Variants in AK9 observed in about 807,000 individuals in gnomAD.
AK9 encodes the protein adenylate kinase domain containing 1.
Under a neutral mutation model 239.6 loss-of-function variants are expected in AK9, and 191 were observed. The ratio of observed to expected loss-of-function variants is 0.80; its 90% CI spans 0.71 to 0.90. The LOEUF is 0.90. Ranked by LOEUF, AK9 falls within the 40% of genes least tolerant of loss-of-function variation. The probability of loss-of-function intolerance (pLI) is 0.00; values close to 1 mark genes in which losing one functional copy is unlikely to be tolerated. For synonymous variants in AK9, 689 were observed against 721.0 expected, an observed-to-expected ratio of 0.96 and a Z score of 0.71; for missense variants, 1,995 against 2,214.7, an observed-to-expected ratio of 0.90 and a Z score of 1.99.
At chr6:109,636,005 T>C (rs1796664903) in intron 10 of AK9, among the ~76,000 whole-genome samples, 2 of 152,168 alleles carry the variant, frequency 1.3e-5, no homozygotes, top group Admixed American at 1.3e-4. Flanking sequence ...TACGATGCCA[T>C]AGGGATTGTT....
rs776702988 is a variant in AK9, at chr6:109,672,519, C to T, written c.182-352G>A. ...GCAACATAGGGAGACTACATTCCTACAAAAAGTTAAAAAATTAGCAGGGCA... is the reference window on the plus strand; with the variant it reads ...GCAACATAGGGAGACTACATTCCTATAAAAAGTTAAAAAATTAGCAGGGCA... On this transcript the variant is annotated intron_variant, in intron 3 of 40. Transcript: ENST00000424296. 7.2e-5 allele frequency among the ~76,000 whole-genome samples: 11 copies of T among 151,964 alleles called. No individual in the cohort carries two copies. The South Asian group carries it at 8.3e-4, about 11-fold the overall frequency.
chr6:109,658,463 A>G, intron 7 of AK9, among the ~76,000 whole-genome samples: 1 of 152,326 alleles, frequency 6.6e-6, no homozygotes, highest in East Asian at 1.9e-4. Context: ...AAAATAAAAC[A>G]GAGCAAAGGG....
chr6:109,655,672 T>C (rs1799593448), intron 8 of AK9, among the ~76,000 whole-genome samples: 2 of 152,236 alleles, frequency 1.3e-5, no homozygotes, highest in South Asian at 4.1e-4. Flanking sequence ...CTGGTGCTTG[T>C]TCTTAAAAAG....
At chr6:109,575,474 T>A (rs567596056) in intron 20 of AK9, among the ~76,000 whole-genome samples, 34 of 152,344 alleles carry the variant, frequency 2.2e-4, no homozygotes, top group African/African-American at 7.9e-4. Context: ...CATTTGTATA[T>A]CTTCTTTTGA....
intron 24 of AK9, among the ~76,000 whole-genome samples, chr6:109,561,765 T>G (rs1442179743): frequency 6.6e-6 from 1 of 152,242 alleles, no homozygotes; most frequent in African/African-American, 2.4e-5. Context: ...TTTGAGCAAT[T>G]TGAATAATAT....
intron 17 of AK9, among the ~76,000 whole-genome samples, chr6:109,588,855 A>G (rs2357128): frequency 0.55 from 84,125 of 151,930 alleles, 24,868 homozygotes; most frequent in South Asian, 0.78. Context: ...TGTATATTCT[A>G]GTTGACTTTG....
chr6:109,522,444 G>GT (rs555951848), intron 29 of AK9, among the ~76,000 whole-genome samples: 2 of 151,720 alleles, frequency 1.3e-5, no homozygotes, highest in Non-Finnish European at 2.9e-5. Context: ...TAGATCTTCA[G>GT]TTTTTTTCTT....
intron 8 of AK9, among the ~76,000 whole-genome samples, chr6:109,655,488 T>C (rs1171086659): frequency 1.3e-5 from 2 of 152,244 alleles, no homozygotes; most frequent in Non-Finnish European, 2.9e-5. Context: ...TTATTGTCTT[T>C]TAGTTTGAGT....
intron 32 of AK9, among the ~76,000 whole-genome samples, chr6:109,511,818 T>C (rs1395536285): frequency 6.6e-6 from 1 of 152,124 alleles, no homozygotes; most frequent in African/African-American, 2.4e-5. Context: ...CTCCTAAAAT[T>C]TGACACCTTA....
At position 109,506,465 on chromosome 6, in the gene AK9, G is replaced by A; in HGVS notation, c.4711C>T (p.Gln1571Ter). The A allele has an allele frequency of 1.2e-6, 2 of 1,613,458 alleles. No individual in the cohort carries two copies. The highest frequency in any genetic ancestry group is 2.2e-5 in the South Asian group (2 of 91,050). ...TTCTGATGCTGTTCTTGATAATATT[G>A]CCTAATCTCACCAATATTTTTGCGA... ...KYRKNIGEIR[Q>*]YYQEQHQNWY... is the part of the protein sequence containing the mutation. The change falls in exon 35 of 41, where the codon CAA becomes TAA. Residue 1571 changes from glutamine to a stop codon, truncating the protein, a stop_gained. Coordinates refer to ENST00000424296, the MANE Select transcript of AK9 (RefSeq NM_001145128.3). LOFTEE classifies it high-confidence loss of function.
chr6:109,610,514 C>A lies in AK9; in HGVS notation c.1694-1G>T, dbSNP rs1432299778. ...TCTTCTATCAAGTCTTCTGTTGGGG[C>A]TAAAGTAAAATAAGCTGATAAATTA... On this transcript the variant is annotated splice_acceptor_variant, in intron 16 of 40. Coordinates refer to ENST00000424296, the MANE Select transcript of AK9 (RefSeq NM_001145128.3). LOFTEE classifies it high-confidence loss of function. 4.5e-6 allele frequency: 7 copies of A among 1,548,912 alleles called. No individual in the cohort carries two copies. Among genetic ancestry groups the A allele is most frequent in the African/African-American group, 2.7e-5 (2 of 72,782 alleles).
At chr6:109,598,762 C>T (rs1355914277) in intron 17 of AK9, among the ~76,000 whole-genome samples, 1 of 152,174 alleles carries the variant, frequency 6.6e-6, no homozygotes, top group African/African-American at 2.4e-5. Flanking sequence ...TAATGATCGC[C>T]ATTCTAACTG....
intron 8 of AK9, among the ~76,000 whole-genome samples, chr6:109,652,310 A>T (rs2128305451): frequency 6.6e-6 from 1 of 152,158 alleles, no homozygotes; most frequent in East Asian, 1.9e-4. Context: ...AAACCACATG[A>T]TTATCTCAAT....
At chr6:109,635,489 C>T (rs1476389779) in intron 10 of AK9, among the ~76,000 whole-genome samples, 2 of 152,136 alleles carry the variant, frequency 1.3e-5, no homozygotes, top group Non-Finnish European at 2.9e-5. Context: ...TGGTCCCCTC[C>T]CACCACTTCT....
At chr6:109,638,157 G>A (rs1363363167) in intron 10 of AK9, among the ~76,000 whole-genome samples, 4 of 152,232 alleles carry the variant, frequency 2.6e-5, no homozygotes, top group South Asian at 4.1e-4. Context: ...TATGCCCCAT[G>A]CATGCAATGC....
intron 35 of AK9, among the ~76,000 whole-genome samples, chr6:109,505,948 A>C (rs556052445): frequency 6.6e-6 from 1 of 152,308 alleles, no homozygotes; most frequent in Non-Finnish European, 1.5e-5. Context: ...ACTGTTCCTC[A>C]TAGATGGTGC....
intron 17 of AK9, among the ~76,000 whole-genome samples, chr6:109,598,186 T>G (rs1368324084): frequency 6.6e-6 from 1 of 151,848 alleles, no homozygotes; most frequent in Admixed American, 6.6e-5. Flanking sequence ...AACTCGTCAT[T>G]TACATTAGGT....
At chr6:109,584,689 C>T (rs911094454) in intron 19 of AK9, among the ~76,000 whole-genome samples, 6 of 152,014 alleles carry the variant, frequency 3.9e-5, no homozygotes, top group African/African-American at 4.8e-5. Context: ...AAATAATTAG[C>T]CTGGTCTTTC....
At chr6:109,564,975 C>A in intron 21 of AK9, 130 bp from the exon 22 acceptor site, 1 of 584,514 alleles carries the variant, frequency 1.7e-6, no homozygotes, top group Non-Finnish European at 2.7e-6. Flanking sequence ...AAGCAAAGTT[C>A]TTGTTAGGGA....
Sources: allele counts gnomAD v4.1 joint callset (sites outside exome capture counted in the v4.1 genomes callset), GRCh38; gene constraint gnomAD v4.1.1; transcripts MANE v1.5; gene names NCBI Gene and HGNC (gene_info 2026-07-23, HGNC 2026-07-21).